DYNC2H1: variants seen among roughly 807,000 people sequenced by gnomAD.
DYNC2H1 encodes the protein dynein cytoplasmic 2 heavy chain 1, also known as cytoplasmic dynein 2 heavy chain 1.
DYNC2H1 carries 410 observed loss-of-function variants against 570.0 expected under a neutral mutation model. The ratio of observed to expected loss-of-function variants is 0.72; its 90% CI spans 0.66 to 0.78. DYNC2H1 has a LOEUF of 0.78. Ranked by LOEUF, DYNC2H1 falls within the 30% of genes least tolerant of loss-of-function variation. DYNC2H1 has a pLI of 0.00. For synonymous variants in DYNC2H1, 1,688 were observed against 1,677.6 expected, an observed-to-expected ratio of 1.01 and a Z score of -0.15; for missense variants, 4,865 against 5,046.4, an observed-to-expected ratio of 0.96 and a Z score of 1.09.
At chr11:103,453,381 G>A (rs973182007) in intron 85 of DYNC2H1, among the ~76,000 whole-genome samples, 5 of 151,784 alleles carry the variant, frequency 3.3e-5, no homozygotes, top group African/African-American at 4.8e-5. Flanking sequence ...TATGCTTATC[G>A]TTTCTGCACT....
chr11:103,442,293 A>G (rs1046292844), intron 85 of DYNC2H1, among the ~76,000 whole-genome samples: 4 of 152,160 alleles, frequency 2.6e-5, no homozygotes, highest in Admixed American at 1.3e-4. Context: ...GGAGATAGAT[A>G]GCAAACAAAT....
chr11:103,152,369 C>A, intron 21 of DYNC2H1, 84 bp downstream of exon 21: 1 of 1,296,958 alleles, frequency 7.7e-7, no homozygotes, highest in East Asian at 2.5e-5. Flanking sequence ...CTTTATAGCC[C>A]AGGTTTATAA....
chr11:103,321,916 G>T (rs927253507), intron 81 of DYNC2H1, among the ~76,000 whole-genome samples: 3 of 151,832 alleles, frequency 2.0e-5, no homozygotes, highest in South Asian at 2.1e-4. Context: ...AATTACAAAG[G>T]CATATATCTA....
At chr11:103,278,349 A>G (rs1190823360) in intron 70 of DYNC2H1, among the ~76,000 whole-genome samples, 1 of 152,178 alleles carries the variant, frequency 6.6e-6, no homozygotes, top group Non-Finnish European at 1.5e-5. Flanking sequence ...AGAGTGTCCT[A>G]GGTACCATGC....
At chr11:103,284,403 C>A (rs1866267868) in intron 73 of DYNC2H1, among the ~76,000 whole-genome samples, 1 of 151,976 alleles carries the variant, frequency 6.6e-6, no homozygotes, top group South Asian at 2.1e-4. Flanking sequence ...TTGTTCATAC[C>A]AGTGGAATGA....
At chr11:103,311,640 A>T (rs1867592255) in intron 78 of DYNC2H1, among the ~76,000 whole-genome samples, 1 of 151,910 alleles carries the variant, frequency 6.6e-6, no homozygotes, top group Non-Finnish European at 1.5e-5. Context: ...TATTTTGAAT[A>T]TTATTGTATA....
Position 103,156,385 on chromosome 11 carries a change from T to C in DYNC2H1, c.3745-3T>C, listed in dbSNP as rs1860821531. On this transcript the variant is annotated splice_region_variant and splice_polypyrimidine_tract_variant and intron_variant, in intron 25 of 88. Coordinates refer to ENST00000375735, the MANE Select transcript of DYNC2H1 (RefSeq NM_001377.3). ...ATAAACATGGATATTTTGTGTTAAA[T>C]AGGATTTAAATAGTCGGGCACAAGG... is the stretch of plus-strand genomic sequence containing the variant. 1.9e-6 allele frequency: 3 copies of C among 1,607,654 alleles called. No individual in the cohort carries two copies. Among genetic ancestry groups the C allele is most frequent in the Non-Finnish European group, 2.5e-6 (3 of 1,178,382 alleles).
chr11:103,414,403 G>A (rs539519588), intron 84 of DYNC2H1, among the ~76,000 whole-genome samples: 258 of 109,656 alleles, frequency 2.4e-3, no homozygotes, highest in African/African-American at 7.9e-3. Flanking sequence ...CATGGATCAC[G>A]AGGTCAGGAG....
chr11:103,282,203 G>T lies in DYNC2H1; in HGVS notation c.10786G>T (p.Val3596Phe). The change falls in exon 72 of 89, where the codon GTT (valine) becomes TTT (phenylalanine). Residue 3596 changes from valine (V) to phenylalanine (F), a missense_variant. Physicochemically the swap from Val to Phe is conservative, Grantham distance 50. Transcript: ENST00000375735. ...ENEWDTFTGV[V>F]VGDMLRKADS... Reference sequence around the variant, plus strand: ...GGAATGGGATACGTTTACAGGTGTGGTTGTTGGAGACATGTTACGGAAAGC... The same window carrying T: ...GGAATGGGATACGTTTACAGGTGTGTTTGTTGGAGACATGTTACGGAAAGC... The T allele has an allele frequency of 6.2e-7, 1 of 1,608,002 alleles. No homozygotes were observed. Among genetic ancestry groups the T allele is most frequent in the Non-Finnish European group, 8.5e-7 (1 of 1,177,420 alleles).
intron 10 of DYNC2H1, 39 bp downstream of exon 10, chr11:103,121,535 A>C: frequency 6.3e-7 from 1 of 1,592,448 alleles, no homozygotes; most frequent in Non-Finnish European, 8.6e-7. Context: ...ACTAATTATA[A>C]AATCTGCTAA....
chr11:103,231,242 T>A lies in DYNC2H1; in HGVS notation c.9354-18T>A. ...ATCTAAAATAGAATGACTTGTATAA[T>A]ATTGAGTTATATTTTAGGAATCTGA... On this transcript the variant is annotated intron_variant, in intron 59 of 88. Coordinates refer to ENST00000375735, the MANE Select transcript of DYNC2H1 (RefSeq NM_001377.3). 6.8e-7 allele frequency: 1 copy of A among 1,477,136 alleles called. No individual in the cohort carries two copies. Among genetic ancestry groups the A allele is most frequent in the Non-Finnish European group, 9.4e-7 (1 of 1,068,716 alleles). 91.5% of individuals were successfully genotyped at this position (1,477,136 alleles called of 1,614,324 possible).
intron 45 of DYNC2H1, among the ~76,000 whole-genome samples, chr11:103,190,843 C>A (rs542287719): frequency 2.2e-3 from 331 of 151,638 alleles, no homozygotes; most frequent in African/African-American, 7.5e-3. Flanking sequence ...TTTAATGGTT[C>A]CCAGCATTAA....
chr11:103,328,716 A>C (rs1395967503), intron 82 of DYNC2H1, among the ~76,000 whole-genome samples: 1 of 152,240 alleles, frequency 6.6e-6, no homozygotes, highest in Non-Finnish European at 1.5e-5. Flanking sequence ...ACTTATGTAC[A>C]GATGCTGTGT....
chr11:103,236,684 G>T, intron 63 of DYNC2H1, 145 bp downstream of exon 63: 2 of 469,940 alleles, frequency 4.3e-6, no homozygotes, highest in Non-Finnish European at 7.5e-6. Flanking sequence ...ACCCATCAAT[G>T]ATTCAGTTAG....
At chr11:103,471,050 T>C (rs902566356) in intron 88 of DYNC2H1, among the ~76,000 whole-genome samples, 10 of 152,200 alleles carry the variant, frequency 6.6e-5, no homozygotes, top group African/African-American at 2.2e-4. Flanking sequence ...AAAGCATTCC[T>C]ATTTCTCCAC....
At position 103,399,827 on chromosome 11, in the gene DYNC2H1, G is replaced by C; in HGVS notation, c.12321G>C (p.Leu4107=). The change falls in exon 84 of 89, where the codon CTG becomes CTC. Residue 4107 remains leucine (L), a synonymous_variant. Coordinates refer to ENST00000375735, the MANE Select transcript of DYNC2H1 (RefSeq NM_001377.3). ...AAGTCATCAGAGGAACTACTTTACT[G>C]AGTTCAGAAGTACAAAAATTGGCAA... The part of the protein sequence containing the change: ...LSKVIRGTTL[L]SSEVQKLASA... The C allele has an allele frequency of 1.9e-6, 3 of 1,613,934 alleles. No homozygotes were observed. Among genetic ancestry groups the C allele is most frequent in the South Asian group, 1.1e-5 (1 of 91,066 alleles).
chr11:103,386,676 G>A (rs891976352), intron 83 of DYNC2H1, among the ~76,000 whole-genome samples: 2 of 152,024 alleles, frequency 1.3e-5, no homozygotes, highest in Non-Finnish European at 2.9e-5. Context: ...ACAGGCCCCA[G>A]TGTGTGATGT....
chr11:103,468,486 C>T (rs996420723), intron 87 of DYNC2H1, 103 bp from the exon 88 acceptor site: 8 of 697,640 alleles, frequency 1.1e-5, no homozygotes, highest in Middle Eastern at 2.5e-4. Flanking sequence ...TATTTGGAAT[C>T]GGTGAACACA....
chr11:103,169,357 T>G (rs971263768), intron 32 of DYNC2H1, among the ~76,000 whole-genome samples: 2 of 152,198 alleles, frequency 1.3e-5, no homozygotes, highest in African/African-American at 2.4e-5. Context: ...CTAAATATTT[T>G]TTAGTTTGTA....
Sources: gnomAD v4.1 joint callset for allele counts (sites outside exome capture counted in the v4.1 genomes callset) on GRCh38, gnomAD v4.1.1 for gene constraint, MANE v1.5 for transcripts, NCBI Gene and HGNC (gene_info 2026-07-23, HGNC 2026-07-21) for gene names.